Variants in DSCAM observed in about 807,000 individuals in gnomAD.
DSCAM encodes cell adhesion molecule DSCAM.
Under a neutral mutation model 217.7 loss-of-function variants are expected in DSCAM, and 47 were observed. The observed-to-expected ratio is 0.22, with a 90% CI of 0.17 to 0.28. The LOEUF is 0.28. Ranked by LOEUF, DSCAM falls within the 10% of genes least tolerant of loss-of-function variation. The probability of loss-of-function intolerance (pLI) is 1.00; values close to 1 mark genes in which losing one functional copy is unlikely to be tolerated. For missense variants in DSCAM, 2,080 were observed against 2,618.3 expected, an observed-to-expected ratio of 0.79 and a Z score of 4.49; for synonymous variants, 1,056 against 1,015.3, an observed-to-expected ratio of 1.04 and a Z score of -0.76.
chr21:40,623,692 C>T (rs984869627), intron 3 of DSCAM, among the ~76,000 whole-genome samples: 4 of 152,188 alleles, frequency 2.6e-5, no homozygotes, highest in Non-Finnish European at 5.9e-5. Context: ...AAAGAAAGGC[C>T]TCTACAAATT....
intron 10 of DSCAM, among the ~76,000 whole-genome samples, chr21:40,277,189 G>A (rs1002663680): frequency 6.6e-6 from 1 of 152,078 alleles, no homozygotes; most frequent in African/African-American, 2.4e-5. Flanking sequence ...AAGCTCTGGG[G>A]TGAGGATCTT....
intron 3 of DSCAM, among the ~76,000 whole-genome samples, chr21:40,498,733 G>A (rs1319490504): frequency 2.5e-3 from 37 of 14,964 alleles, no homozygotes; most frequent in African/African-American, 8.1e-3. Context: ...ATATGGGTGT[G>A]TGTATATATA....
chr21:40,662,348 C>T (rs2090147822), intron 3 of DSCAM, among the ~76,000 whole-genome samples: 1 of 152,080 alleles, frequency 6.6e-6, no homozygotes, highest in Non-Finnish European at 1.5e-5. Context: ...TTAATATGTG[C>T]TCTTGCTTAA....
At chr21:40,559,780 TTCTGTC>T (rs144453998) in intron 3 of DSCAM, among the ~76,000 whole-genome samples, 2,154 of 141,444 alleles carry the variant, frequency 0.015, 61 homozygotes, top group East Asian at 0.11. Context: ...TTTTAAAATT[TTCTGTC>T]TTTTTTTTTT....
intron 3 of DSCAM, among the ~76,000 whole-genome samples, chr21:40,676,254 TA>T (rs113253105): frequency 2.0e-5 from 3 of 152,194 alleles, no homozygotes; most frequent in Non-Finnish European, 2.9e-5. Flanking sequence ...TCAAAGCCAG[TA>T]AAAAAAGCAC....
intron 19 of DSCAM, among the ~76,000 whole-genome samples, chr21:40,127,126 T>C (rs2090102465): frequency 6.6e-6 from 1 of 152,240 alleles, no homozygotes; most frequent in African/African-American, 2.4e-5. Flanking sequence ...ATGTTTTTAC[T>C]GTTAGAATTA....
intron 3 of DSCAM, among the ~76,000 whole-genome samples, chr21:40,512,033 T>C (rs796488033): frequency 1.6e-4 from 24 of 147,330 alleles, no homozygotes; most frequent in African/African-American, 6.1e-4. Context: ...AGGTCTTGCT[T>C]TTGGGGGAAA....
At chr21:40,098,467 A>T (rs939904639) in intron 20 of DSCAM, among the ~76,000 whole-genome samples, 1 of 152,230 alleles carries the variant, frequency 6.6e-6, no homozygotes, top group African/African-American at 2.4e-5. Context: ...ACAAGACCAG[A>T]CAACTGCAGA....
chr21:40,133,896 C>T lies in DSCAM; in HGVS notation c.3520G>A (p.Gly1174Arg), dbSNP rs1332241663. 1.9e-6 allele frequency: 3 copies of T among 1,613,492 alleles called. No individual in the cohort carries two copies. Among genetic ancestry groups the T allele is most frequent in the Non-Finnish European group, 1.7e-6 (2 of 1,179,778 alleles). The change falls in exon 19 of 33, where the codon GGG becomes AGG. Residue 1174 changes from glycine (G) to arginine (R), a missense_variant. Transcript: ENST00000400454. ...GTGAAGATCTGCTCACTCCTGACCC[C>T]GTCTCCTGCGCGGGTGAAGGCCAGC... Reference protein sequence around the residue: ...QVLAFTRAGDGVRSEQIFTRT... With the variant: ...QVLAFTRAGDRVRSEQIFTRT...
At chr21:40,099,913 G>A (rs1207092156) in intron 20 of DSCAM, among the ~76,000 whole-genome samples, 1 of 152,212 alleles carries the variant, frequency 6.6e-6, no homozygotes, top group African/African-American at 2.4e-5. Flanking sequence ...GAAGGACACA[G>A]AGCTTGGTAA....
rs1325341289 is a variant in DSCAM at position 40,080,325 on chromosome 21, T to C, written c.4247A>G (p.Tyr1416Cys). 5.0e-6 allele frequency: 8 copies of C among 1,610,446 alleles called. No homozygotes were observed. The highest frequency in any genetic ancestry group is 1.3e-5 in the African/African-American group (1 of 74,746). Reference protein sequence around the residue: ...GSSIRGYILQYSEDNSEQWGS... With the variant: ...GSSIRGYILQCSEDNSEQWGS... ...CCACTGCTCACTATTGTCCTCGGAG[T>C]ACTGCAGTATGTATCCTGCAGAGAA... The change falls in exon 25 of 33, where the codon TAC becomes TGC. Residue 1416 changes from tyrosine (Y) to cysteine (C), a missense_variant. By Grantham distance (194) the Tyr-to-Cys change is radical. Transcript: ENST00000400454.
At chr21:40,438,958 C>A (rs776036704) in intron 3 of DSCAM, among the ~76,000 whole-genome samples, 5 of 151,924 alleles carry the variant, frequency 3.3e-5, no homozygotes, top group Admixed American at 6.6e-5. Flanking sequence ...TCTTAAAAAA[C>A]CAGTATATTT....
At chr21:40,253,774 G>A (rs907694385) in intron 11 of DSCAM, among the ~76,000 whole-genome samples, 5 of 152,266 alleles carry the variant, frequency 3.3e-5, no homozygotes, top group Middle Eastern at 3.2e-3. Flanking sequence ...CACAAGGCTG[G>A]AAGCTCCTGT....
In DSCAM at chr21:40,652,988, C is replaced by T. The variant is rs547617484; in HGVS notation, c.508+39822G>A. The stretch of plus-strand genomic sequence containing the variant: ...GGACACCAAGGCTTGTATGAGCTCC[C>T]TGGTTGATGATACTCTGTATGTGTT... On this transcript the variant is annotated intron_variant, in intron 3 of 32. Coordinates refer to ENST00000400454, the MANE Select transcript of DSCAM (RefSeq NM_001389.5). Among the ~76,000 whole-genome samples the T allele has an allele frequency of 2.6e-5, 4 of 152,264 alleles. 1 individual carries two copies. The South Asian group carries it at 8.3e-4, about 32-fold the overall frequency.
At chr21:40,017,666 C>G (rs548347670) in intron 32 of DSCAM, among the ~76,000 whole-genome samples, 99 of 152,202 alleles carry the variant, frequency 6.5e-4, no homozygotes, top group Admixed American at 1.4e-3. Context: ...ATTCTCCCCC[C>G]TCAGCCTCCT....
chr21:40,170,828 G>A (rs990365212), intron 15 of DSCAM, among the ~76,000 whole-genome samples: 3 of 152,176 alleles, frequency 2.0e-5, no homozygotes, highest in African/African-American at 7.2e-5. Flanking sequence ...TTAGGAATTG[G>A]AGGCAATGTC....
intron 19 of DSCAM, among the ~76,000 whole-genome samples, chr21:40,127,335 G>T (rs1202639193): frequency 6.6e-6 from 1 of 152,136 alleles, no homozygotes; most frequent in Non-Finnish European, 1.5e-5. Flanking sequence ...AGATGGCATA[G>T]GATGGAGTAA....
chr21:40,696,629 G>T (rs1229095340), intron 2 of DSCAM, among the ~76,000 whole-genome samples: 1 of 152,080 alleles, frequency 6.6e-6, no homozygotes, highest in Non-Finnish European at 1.5e-5. Context: ...GATCTTGGGG[G>T]ATCTGATTCA....
At chr21:40,070,187 A>C (rs887992225) in intron 27 of DSCAM, among the ~76,000 whole-genome samples, 1 of 149,720 alleles carries the variant, frequency 6.7e-6, no homozygotes, top group African/African-American at 2.4e-5. Context: ...AGAGAGGAAG[A>C]GAAAGAGAGA....
Sources: allele counts gnomAD v4.1 joint callset (sites outside exome capture counted in the v4.1 genomes callset), GRCh38; gene constraint gnomAD v4.1.1; transcripts MANE v1.5; gene names NCBI Gene and HGNC (gene_info 2026-07-23, HGNC 2026-07-21).